CDC42BPB: variants seen among roughly 807,000 people sequenced by gnomAD.
The protein encoded by CDC42BPB is serine/threonine-protein kinase MRCK beta.
CDC42BPB carries 37 observed loss-of-function variants against 214.9 expected under a neutral mutation model. That is an observed-to-expected ratio of 0.17 (90% confidence interval 0.13 to 0.23). The LOEUF is 0.23. Among genes scored for constraint, CDC42BPB ranks in the 10% least tolerant of loss-of-function variants. CDC42BPB has a pLI of 1.00. For missense variants in CDC42BPB, 1,694 were observed against 2,227.0 expected, an observed-to-expected ratio of 0.76 and a Z score of 4.82; for synonymous variants, 931 against 884.0, an observed-to-expected ratio of 1.05 and a Z score of -0.94.
chr14:103,004,080 T>G lies in CDC42BPB; in HGVS notation c.352-57A>C. On this transcript the variant is annotated intron_variant, in intron 3 of 36. Coordinates refer to ENST00000361246, the MANE Select transcript of CDC42BPB (RefSeq NM_006035.4). The surrounding 1 kb of genome is among the most constrained non-coding windows in gnomAD (Gnocchi z 5.3). ...TCACTGGGAAGCAGGCCAGAGAGCG[T>G]ACTGCCGGTCTCGGGGTCCCTCCTG... 2 of 1,517,844 alleles carry G rather than the reference T, an allele frequency of 1.3e-6. No individual in the cohort carries two copies. The highest frequency in any genetic ancestry group is 1.8e-6 in the Non-Finnish European group (2 of 1,130,434). 94.0% of individuals were successfully genotyped at this position (1,517,844 alleles called of 1,614,324 possible).
In CDC42BPB at chr14:103,057,127, T is replaced by C. The variant is rs1889030348; in HGVS notation, c.47A>G (p.Asp16Gly). The change falls in exon 1 of 37, where the codon GAC (aspartate) becomes GGC (glycine). Residue 16 changes from aspartate (D) to glycine (G), a missense_variant. By Grantham distance (94) the Asp-to-Gly change is moderately conservative (BLOSUM62 -1). Transcript: ENST00000361246. ...GGCGCTCTCGTTGCGCCAGGGCCCG[T>C]CCAGGAGCAGCTGCTCCAGCTTCTT... is the stretch of plus-strand genomic sequence containing the variant. ...RLKKLEQLLLDGPWRNESALS... is the reference protein window; with the variant it reads ...RLKKLEQLLLGGPWRNESALS... The C allele has an allele frequency of 3.3e-6, 5 of 1,512,668 alleles. No homozygotes were observed. Among genetic ancestry groups the C allele is most frequent in the Non-Finnish European group, 3.5e-6 (4 of 1,136,332 alleles). The allele number at this position is 1,512,668 out of a possible 1,614,324, so 93.7% of individuals were successfully genotyped here.
At chr14:102,964,421 T>G in intron 19 of CDC42BPB, 81 bp downstream of exon 19, 3 of 1,517,182 alleles carry the variant, frequency 2.0e-6, no homozygotes, top group Non-Finnish European at 2.7e-6. Flanking sequence ...GCGAGGAGCA[T>G]CGGAGCCCGT....
At chr14:102,973,806 G>C (rs1361485643) in intron 12 of CDC42BPB, among the ~76,000 whole-genome samples, 1 of 152,230 alleles carries the variant, frequency 6.6e-6, no homozygotes, top group African/African-American at 2.4e-5. Context: ...CTGCCACTGG[G>C]AGCCAAGCTC....
rs145253351 is a variant in CDC42BPB, at chr14:102,951,124, C to T, written c.3173-522G>A. On this transcript the variant is annotated intron_variant, in intron 24 of 36. Coordinates refer to ENST00000361246, the MANE Select transcript of CDC42BPB (RefSeq NM_006035.4). ...CTTCAGCATGCGCACAGGGAAAGGG[C>T]CCATGGCAGAAGCCTGCTTCCATGC... is the stretch of plus-strand genomic sequence containing the variant. 6.6e-5 allele frequency among the ~76,000 whole-genome samples: 10 copies of T among 152,328 alleles called. No individual in the cohort carries two copies. The East Asian group carries it at 1.9e-3, about 29-fold the overall frequency.
intron 7 of CDC42BPB, 32 bp from the exon 8 acceptor site, chr14:102,981,053 G>T: frequency 1.2e-6 from 2 of 1,613,444 alleles, no homozygotes; most frequent in Non-Finnish European, 1.7e-6. Flanking sequence ...CCGGTGGACA[G>T]GTGGACGCAT....
At chr14:103,036,553 A>C (rs1887676419) in intron 1 of CDC42BPB, among the ~76,000 whole-genome samples, 1 of 152,198 alleles carries the variant, frequency 6.6e-6, no homozygotes, top group African/African-American at 2.4e-5. Flanking sequence ...TACAAAAGTT[A>C]AAACCACAGA....
At chr14:102,941,075 T>A in intron 30 of CDC42BPB, 1 of 966,194 alleles carries the variant, frequency 1.0e-6, no homozygotes, top group Non-Finnish European at 1.2e-6. Flanking sequence ...AGAAGAGCAG[T>A]GACACAGCTG....
chr14:103,046,286 C>G (rs984497973), intron 1 of CDC42BPB, among the ~76,000 whole-genome samples: 1 of 152,070 alleles, frequency 6.6e-6, no homozygotes, highest in Non-Finnish European at 1.5e-5. Context: ...ATAAAGAATT[C>G]TATCACTAAC....
chr14:102,963,291 G>A, intron 19 of CDC42BPB, 136 bp from the exon 20 acceptor site: 1 of 1,382,078 alleles, frequency 7.2e-7, no homozygotes, highest in South Asian at 1.8e-5. Context: ...GCTCATGCTG[G>A]GCCTTTCTAC....
chr14:102,946,760 G>A, intron 27 of CDC42BPB, 76 bp from the exon 28 acceptor site: 2 of 1,559,396 alleles, frequency 1.3e-6, no homozygotes, highest in South Asian at 1.2e-5. Flanking sequence ...CGGCCCTGCT[G>A]GAGCCACGCA....
At chr14:103,014,564 TCTGA>T (rs1045629208) in intron 1 of CDC42BPB, among the ~76,000 whole-genome samples, 2 of 152,156 alleles carry the variant, frequency 1.3e-5, no homozygotes, top group Non-Finnish European at 2.9e-5. Flanking sequence ...TTCCTGGGCT[TCTGA>T]CTGAGTTCCA....
chr14:102,973,699 T>C (rs953739658), intron 12 of CDC42BPB, among the ~76,000 whole-genome samples: 1 of 151,806 alleles, frequency 6.6e-6, no homozygotes, highest in African/African-American at 2.4e-5. Context: ...CGCTTTAGAA[T>C]GCAGTGGGGT....
chr14:102,960,553 T>C (rs551407586), intron 20 of CDC42BPB, among the ~76,000 whole-genome samples: 6 of 152,108 alleles, frequency 3.9e-5, no homozygotes, highest in African/African-American at 1.2e-4. Flanking sequence ...GCTGGGGAGA[T>C]TGAGGCTGCA....
intron 13 of CDC42BPB, among the ~76,000 whole-genome samples, chr14:102,970,800 C>A (rs1287814696): frequency 6.6e-6 from 1 of 152,164 alleles, no homozygotes; most frequent in South Asian, 2.1e-4. Context: ...GTTTTAACTG[C>A]CTGTAACTAC....
rs1441973471 is a variant in CDC42BPB at position 102,933,516 on chromosome 14, G to A, written c.*196C>T. The A allele has an allele frequency of 2.1e-6, 1 of 475,598 alleles. No individual in the cohort carries two copies. The highest frequency in any genetic ancestry group is 3.6e-6 in the Non-Finnish European group (1 of 281,270). The allele number at this position is 475,598 out of a possible 1,614,324, so 29.5% of individuals were successfully genotyped here. On this transcript the variant is annotated 3_prime_UTR_variant, in exon 37 of 37. Transcript: ENST00000361246. ...AGCATCGCCTCACAGCTGTGCAGACGAACAGATGTGGTCTACTGCCACGAA... is the reference window on the plus strand; with the variant it reads ...AGCATCGCCTCACAGCTGTGCAGACAAACAGATGTGGTCTACTGCCACGAA...
chr14:102,933,624 T>G lies in CDC42BPB; in HGVS notation c.*88A>C, dbSNP rs1274287793. 3 of 1,062,352 alleles carry G rather than the reference T, an allele frequency of 2.8e-6. No individual in the cohort carries two copies. In the Admixed American group the frequency reaches 1.3e-4, roughly 44 times the overall value. The allele number at this position is 1,062,352 out of a possible 1,614,324, so 65.8% of individuals were successfully genotyped here. ...ATCTACAAAGTGATTCTACATTTCC[T>G]TGGACAACACTGGAGGGCCCGCTCA... is the stretch of plus-strand genomic sequence containing the variant. On this transcript the variant is annotated 3_prime_UTR_variant, in exon 37 of 37. Coordinates refer to ENST00000361246, the MANE Select transcript of CDC42BPB (RefSeq NM_006035.4).
intron 12 of CDC42BPB, 65 bp from the exon 13 acceptor site, chr14:102,972,226 G>A (rs538255201): frequency 1.3e-4 from 210 of 1,584,126 alleles, no homozygotes; most frequent in Non-Finnish European, 1.7e-4. Flanking sequence ...CTGGAGGTTC[G>A]GTCTTCCATG....
At chr14:103,056,977 G>C in intron 1 of CDC42BPB, 22 bp downstream of exon 1, 8 of 1,385,036 alleles carry the variant, frequency 5.8e-6, no homozygotes, top group South Asian at 1.5e-5. Flanking sequence ...CCGCAGGTCC[G>C]GCCCTGCCGG....
intron 1 of CDC42BPB, among the ~76,000 whole-genome samples, chr14:103,033,161 G>A (rs559867448): frequency 6.6e-6 from 1 of 152,206 alleles, no homozygotes; most frequent in African/African-American, 2.4e-5. Context: ...ACTGTGAGTT[G>A]ATAACTGTTG....
Sources: allele counts gnomAD v4.1 joint callset (sites outside exome capture counted in the v4.1 genomes callset), GRCh38; gene constraint gnomAD v4.1.1; non-coding constraint Gnocchi (gnomAD v3.1); transcripts MANE v1.5; gene names NCBI Gene and HGNC (gene_info 2026-07-23, HGNC 2026-07-21).